SGCZ: variants seen among roughly 807,000 people sequenced by gnomAD.
The protein encoded by SGCZ is zeta-sarcoglycan.
A neutral mutation model predicts 41.3 loss-of-function variants in SGCZ; 40 were observed. The observed-to-expected ratio is 0.97, with a 90% CI of 0.75 to 1.26. SGCZ has a LOEUF of 1.26. SGCZ is among the 50% of genes most tolerant of loss of function. SGCZ has a pLI of 0.00. For synonymous variants in SGCZ, 206 were observed against 137.5 expected (o/e 1.50, Z -3.49); for missense variants, 552 against 369.8 (o/e 1.49, Z -4.04).
chr8:14,119,100 A>C (rs1035777101), intron 5 of SGCZ, among the ~76,000 whole-genome samples: 3 of 152,188 alleles, frequency 2.0e-5, no homozygotes, highest in Non-Finnish European at 2.9e-5. Context: ...TCTGTGAAGA[A>C]AGTCATTGGT....
chr8:14,808,796 C>T (rs1325893045), intron 1 of SGCZ, among the ~76,000 whole-genome samples: 2 of 151,820 alleles, frequency 1.3e-5, no homozygotes, highest in Admixed American at 1.3e-4. Context: ...TTTATTGTGG[C>T]ACTATTCACA....
chr8:14,874,435 T>C (rs1352221002), intron 1 of SGCZ, among the ~76,000 whole-genome samples: 1 of 152,140 alleles, frequency 6.6e-6, no homozygotes, highest in Non-Finnish European at 1.5e-5. Flanking sequence ...CAAGAAAATA[T>C]GTTACTAAAT....
At chr8:14,762,811 G>T (rs2165594) in intron 1 of SGCZ, among the ~76,000 whole-genome samples, 34,907 of 152,052 alleles carry the variant, frequency 0.23, 5,745 homozygotes, top group African/African-American at 0.47. Flanking sequence ...AAACATTAGT[G>T]GGCTTTGCAA....
intron 2 of SGCZ, among the ~76,000 whole-genome samples, chr8:14,468,855 A>G (rs1375999789): frequency 1.3e-5 from 2 of 152,110 alleles, no homozygotes; most frequent in Non-Finnish European, 2.9e-5. Context: ...GCTGCCCATC[A>G]TCTAACAAAT....
intron 2 of SGCZ, among the ~76,000 whole-genome samples, chr8:14,437,566 A>G (rs1280906911): frequency 2.6e-5 from 4 of 152,074 alleles, no homozygotes; most frequent in Non-Finnish European, 5.9e-5. Context: ...TACTGGGTTT[A>G]CTATTATTTT....
chr8:14,675,003 A>G (rs2117521911), intron 1 of SGCZ, among the ~76,000 whole-genome samples: 1 of 128,044 alleles, frequency 7.8e-6, no homozygotes, highest in Admixed American at 1.0e-4. Context: ...CAGTGGCGTG[A>G]ACCCAGCTCA....
intron 2 of SGCZ, among the ~76,000 whole-genome samples, chr8:14,499,713 T>A (rs779363572): frequency 3.0e-4 from 45 of 152,088 alleles, no homozygotes; most frequent in Non-Finnish European, 6.2e-4. Context: ...AAATTCTGTA[T>A]TTATTTTGCA....
rs186109793 is a variant in SGCZ, at chr8:14,823,201, A to C, written c.40-268275T>G. ...AATTTTTAAATAAGACTTCAAAAGC[A>C]CAGGTAACAAAAGCAAAAATATACA... On this transcript the variant is annotated intron_variant, in intron 1 of 7. Coordinates refer to ENST00000382080, the MANE Select transcript of SGCZ (RefSeq NM_139167.4). Among the ~76,000 whole-genome samples the C allele has an allele frequency of 5.7e-4, 86 of 152,200 alleles. No homozygotes were observed. In the East Asian group the frequency reaches 0.013, roughly 23 times the overall value.
chr8:14,794,169 G>A (rs1472635212), intron 1 of SGCZ, among the ~76,000 whole-genome samples: 1 of 152,064 alleles, frequency 6.6e-6, no homozygotes, highest in South Asian at 2.1e-4. Context: ...CTTCTACTCA[G>A]TCACGATTAG....
At chr8:15,188,855 G>C (rs983055612) in intron 1 of SGCZ, among the ~76,000 whole-genome samples, 1 of 152,118 alleles carries the variant, frequency 6.6e-6, no homozygotes, top group Non-Finnish European at 1.5e-5. Context: ...GAAAGGCAGA[G>C]AGGAAGGGAA....
At chr8:14,676,633 G>A (rs941470897) in intron 1 of SGCZ, among the ~76,000 whole-genome samples, 1 of 152,092 alleles carries the variant, frequency 6.6e-6, no homozygotes, top group Non-Finnish European at 1.5e-5. Flanking sequence ...AAACCACGAT[G>A]TGTGGCATTA....
chr8:15,172,179 T>TTTTTG (rs1355966928), intron 1 of SGCZ, among the ~76,000 whole-genome samples: 1 of 142,194 alleles, frequency 7.0e-6, no homozygotes, highest in African/African-American at 2.6e-5. Context: ...TTTTTTTTTT[T>TTTTTG]GAGACGGAGT....
chr8:14,782,347 C>T (rs1191611466), intron 1 of SGCZ, among the ~76,000 whole-genome samples: 2 of 152,170 alleles, frequency 1.3e-5, no homozygotes, highest in Non-Finnish European at 2.9e-5. Flanking sequence ...CTCATCTCCC[C>T]AGGAACCTGC....
intron 1 of SGCZ, among the ~76,000 whole-genome samples, chr8:14,665,356 G>T (rs1056620841): frequency 2.6e-5 from 4 of 152,082 alleles, no homozygotes; most frequent in Admixed American, 6.5e-5. Flanking sequence ...CATTTTTTAT[G>T]GCTGCATAGT....
intron 5 of SGCZ, among the ~76,000 whole-genome samples, chr8:14,142,350 T>G (rs1295414484): frequency 6.6e-6 from 1 of 151,902 alleles, no homozygotes; most frequent in Non-Finnish European, 1.5e-5. Context: ...TGAAAACACA[T>G]ACACACAAAT....
At chr8:15,010,949 C>A (rs1484311416) in intron 1 of SGCZ, among the ~76,000 whole-genome samples, 2 of 152,156 alleles carry the variant, frequency 1.3e-5, no homozygotes, top group African/African-American at 2.4e-5. Context: ...GAAACTTCTG[C>A]CCTGGCTTCA....
intron 3 of SGCZ, among the ~76,000 whole-genome samples, chr8:14,319,180 C>T (rs1229555182): frequency 1.3e-5 from 2 of 151,766 alleles, no homozygotes; most frequent in South Asian, 2.1e-4. Context: ...TATTAAGTGG[C>T]AAAATAGGTA....
At chr8:14,579,389 C>A (rs527697592) in intron 1 of SGCZ, among the ~76,000 whole-genome samples, 1 of 152,152 alleles carries the variant, frequency 6.6e-6, no homozygotes. Flanking sequence ...AATTCCATAT[C>A]GAAACAATGA....
rs762789454 is a variant in SGCZ, at chr8:14,367,857, T to C, written c.235-43653A>G. Among the ~76,000 whole-genome samples the C allele has an allele frequency of 4.3e-4, 66 of 152,018 alleles. 1 individual carries two copies. Among genetic ancestry groups the C allele is most frequent in the Non-Finnish European group, 2.1e-4 (14 of 67,984 alleles). Reference sequence around the variant, plus strand: ...CCTCTCCTTAGCATGCTTATTATTTTTTGGGAAAGAATGTCACTTAATAAT... The same window carrying C: ...CCTCTCCTTAGCATGCTTATTATTTCTTGGGAAAGAATGTCACTTAATAAT... On this transcript the variant is annotated intron_variant, in intron 2 of 7. Coordinates refer to ENST00000382080, the MANE Select transcript of SGCZ (RefSeq NM_139167.4).
Sources: gnomAD v4.1 joint callset for allele counts (sites outside exome capture counted in the v4.1 genomes callset) on GRCh38, gnomAD v4.1.1 for gene constraint, MANE v1.5 for transcripts, NCBI Gene and HGNC (gene_info 2026-07-23, HGNC 2026-07-21) for gene names.